The following ADK variants were observed in gnomAD, a reference collection of about 807,000 sequenced individuals.
The protein encoded by ADK is adenosine kinase.
ADK carries 24 observed loss-of-function variants against 44.7 expected under a neutral mutation model. The observed-to-expected ratio is 0.54, with a 90% CI of 0.39 to 0.76. The LOEUF is 0.76. Among genes scored for constraint, ADK ranks in the 30% least tolerant of loss-of-function variants. ADK has a pLI of 0.00. For missense variants in ADK, 321 were observed against 425.1 expected (o/e 0.76, Z 2.15); for synonymous variants, 128 against 142.6 (o/e 0.90, Z 0.73).
intron 7 of ADK, among the ~76,000 whole-genome samples, chr10:74,537,915 TC>T (rs1178217917): frequency 6.6e-6 from 1 of 151,940 alleles, no homozygotes; most frequent in Non-Finnish European, 1.5e-5. Context: ...TAGATAAAGC[TC>T]CCCCTCATAT....
chr10:74,576,012 C>CA (rs1449048079), intron 7 of ADK, among the ~76,000 whole-genome samples: 1 of 151,692 alleles, frequency 6.6e-6, no homozygotes, highest in Admixed American at 6.6e-5. Context: ...CAAAAGGACA[C>CA]AGAAAGTGAG....
chr10:74,180,627 T>G (rs1842515785), intron 1 of ADK, among the ~76,000 whole-genome samples: 1 of 151,924 alleles, frequency 6.6e-6, no homozygotes, highest in African/African-American at 2.4e-5. Flanking sequence ...CCCAGCTAAT[T>G]TTTTGTATTT....
At chr10:74,427,796 G>T (rs1410138362) in intron 6 of ADK, among the ~76,000 whole-genome samples, 1 of 152,030 alleles carries the variant, frequency 6.6e-6, no homozygotes, top group Admixed American at 6.6e-5. Flanking sequence ...ATTGCTGAAA[G>T]AGCAAAGGAG....
intron 6 of ADK, among the ~76,000 whole-genome samples, chr10:74,458,936 C>G (rs1380164617): frequency 6.6e-6 from 1 of 152,176 alleles, no homozygotes; most frequent in Non-Finnish European, 1.5e-5. Context: ...CATATATACT[C>G]TACCTTAACA....
chr10:74,505,522 T>G (rs1443063279), intron 6 of ADK, among the ~76,000 whole-genome samples: 1 of 151,542 alleles, frequency 6.6e-6, no homozygotes, highest in Non-Finnish European at 1.5e-5. Flanking sequence ...CCCCACTTTT[T>G]TTTTTTTTTT....
intron 9 of ADK, among the ~76,000 whole-genome samples, chr10:74,660,640 G>A (rs1026806064): frequency 2.0e-5 from 3 of 151,014 alleles, no homozygotes; most frequent in Non-Finnish European, 4.4e-5. Context: ...TGAGATAGGA[G>A]GATCACTTGA....
At chr10:74,193,218 C>T (rs543664540) in intron 1 of ADK, among the ~76,000 whole-genome samples, 2 of 152,006 alleles carry the variant, frequency 1.3e-5, no homozygotes, top group African/African-American at 4.8e-5. Context: ...CTTAATATAG[C>T]CACTGTAATT....
At chr10:74,440,913 C>G (rs1023408387) in intron 6 of ADK, among the ~76,000 whole-genome samples, 2 of 152,104 alleles carry the variant, frequency 1.3e-5, no homozygotes, top group African/African-American at 4.8e-5. Flanking sequence ...GTGACCAATA[C>G]AAAGATGAAG....
chr10:74,700,746 T>C (rs1856392982), intron 10 of ADK, among the ~76,000 whole-genome samples: 1 of 152,134 alleles, frequency 6.6e-6, no homozygotes, highest in African/African-American at 2.4e-5. Flanking sequence ...AAAGGGATGG[T>C]GAGGAGGACA....
chr10:74,484,839 A>G (rs1252985746), intron 6 of ADK, among the ~76,000 whole-genome samples: 1 of 152,088 alleles, frequency 6.6e-6, no homozygotes, highest in Non-Finnish European at 1.5e-5. Context: ...TTATTTTTTC[A>G]TAACAAAAAA....
At chr10:74,418,187 A>T (rs1383478190) in intron 6 of ADK, among the ~76,000 whole-genome samples, 1 of 152,202 alleles carries the variant, frequency 6.6e-6, no homozygotes, top group East Asian at 1.9e-4. Context: ...AGAAACTTGT[A>T]CTCCCCAAAA....
rs147126959 is a variant in ADK at position 74,257,231 on chromosome 10, A to G, written c.194+32640A>G. 1.2e-3 allele frequency among the ~76,000 whole-genome samples: 179 copies of G among 152,222 alleles called. 1 individual carries two copies. The highest frequency in any genetic ancestry group is 4.1e-3 in the African/African-American group (170 of 41,528). The stretch of plus-strand genomic sequence containing the variant: ...TAAGTCCCACAGTGGGTGCTGTGAA[A>G]CCTACATAAAGGAAAAGTTGGCTCT... On this transcript the variant is annotated intron_variant, in intron 3 of 10. Transcript: ENST00000539909.
In ADK at chr10:74,595,997, CAAAA is replaced by C. The variant is rs35924345; in HGVS notation, c.763-4366_763-4363del. On this transcript the variant is annotated intron_variant, in intron 8 of 10. Coordinates refer to ENST00000539909, the MANE Select transcript of ADK (RefSeq NM_006721.4). The stretch of plus-strand genomic sequence containing the variant: ...GGGCAACAAGAGCGAAATTCCATCT[CAAAA>C]AAAAAAAAAAAAAAACCACTGAAAT... 9.6e-5 allele frequency among the ~76,000 whole-genome samples: 6 copies of C among 62,728 alleles called. 1 individual carries two copies. The highest frequency in any genetic ancestry group is 2.1e-4 in the African/African-American group (4 of 18,642). 41.2% of individuals were successfully genotyped at this position (62,728 alleles called of 152,430 possible). A position where few individuals can be genotyped will look rare whatever the true frequency, so the allele number is the denominator to read the frequency against.
At chr10:74,343,094 A>G (rs912324503) in intron 4 of ADK, among the ~76,000 whole-genome samples, 1 of 152,166 alleles carries the variant, frequency 6.6e-6, no homozygotes, top group South Asian at 2.1e-4. Flanking sequence ...ATTCACCATT[A>G]AGTTTGATGT....
intron 6 of ADK, among the ~76,000 whole-genome samples, chr10:74,498,599 A>T (rs1430011090): frequency 1.1e-4 from 17 of 152,218 alleles, no homozygotes; most frequent in Admixed American, 6.5e-4. Context: ...ATATGTATAC[A>T]TGTGCCATAT....
chr10:74,465,862 A>C (rs1846335330), intron 6 of ADK, among the ~76,000 whole-genome samples: 1 of 152,132 alleles, frequency 6.6e-6, no homozygotes, highest in Admixed American at 6.5e-5. Flanking sequence ...TATAAGTGAT[A>C]GGTTTTACTA....
At chr10:74,331,040 TTTTTC>T (rs1427216719) in intron 4 of ADK, among the ~76,000 whole-genome samples, 2 of 152,194 alleles carry the variant, frequency 1.3e-5, no homozygotes, top group East Asian at 1.9e-4. Flanking sequence ...TATTTGAACT[TTTTTC>T]TTTTTTGTTT....
rs562424379 is a variant in ADK at position 74,565,858 on chromosome 10, CAATT to C, written c.727-23421_727-23418del. 1.1e-3 allele frequency among the ~76,000 whole-genome samples: 168 copies of C among 148,558 alleles called. 1 individual carries two copies. The highest frequency in any genetic ancestry group is 7.0e-3 in the Middle Eastern group (2 of 284). On this transcript the variant is annotated intron_variant, in intron 7 of 10. Coordinates refer to ENST00000539909, the MANE Select transcript of ADK (RefSeq NM_006721.4). ...AATTAAGATGGAATAAAAATTAAAA[CAATT>C]AAATAAAATACAAATTGGTTGTATA...
At chr10:74,151,803 T>C (rs1480620604) in intron 1 of ADK, among the ~76,000 whole-genome samples, 2 of 152,248 alleles carry the variant, frequency 1.3e-5, no homozygotes, top group East Asian at 3.8e-4. Flanking sequence ...GACCTTCCTT[T>C]TCGTGCACAT....
Sources: gnomAD v4.1 joint callset for allele counts (sites outside exome capture counted in the v4.1 genomes callset) on GRCh38, gnomAD v4.1.1 for gene constraint, MANE v1.5 for transcripts, NCBI Gene and HGNC (gene_info 2026-07-23, HGNC 2026-07-21) for gene names.